Variants in IQCJ observed in about 807,000 individuals in gnomAD.
IQCJ encodes IQ motif containing J, also known as IQ domain-containing protein J.
Under a neutral mutation model 11.0 loss-of-function variants are expected in IQCJ, and 9 were observed. The observed-to-expected ratio is 0.82, with a 90% CI of 0.49 to 1.43. The LOEUF (loss-of-function observed/expected upper bound fraction) is 1.43. Among genes scored for constraint, IQCJ ranks in the 40% most tolerant of loss-of-function variants. The probability of loss-of-function intolerance (pLI) is 0.00; values close to 1 mark genes in which losing one functional copy is unlikely to be tolerated. For synonymous variants in IQCJ, 55 were observed against 51.3 expected, an observed-to-expected ratio of 1.07 and a Z score of -0.31; for missense variants, 146 against 133.2, an observed-to-expected ratio of 1.10 and a Z score of -0.47.
intron 3 of IQCJ, among the ~76,000 whole-genome samples, chr3:159,257,621 G>C (rs1190515732): frequency 6.6e-6 from 1 of 152,156 alleles, no homozygotes; most frequent in Non-Finnish European, 1.5e-5. Flanking sequence ...AAACCTGCCT[G>C]TTGCATGCAG....
Position 159,204,967 on chromosome 3 carries a change from G to A in IQCJ, c.10-40876G>A, listed in dbSNP as rs112357310. Among the ~76,000 whole-genome samples the A allele has an allele frequency of 5.6e-3, 847 of 152,290 alleles. 5 individuals carry two copies. Among genetic ancestry groups the A allele is most frequent in the Non-Finnish European group, 9.4e-3 (637 of 68,012 alleles). On this transcript the variant is annotated intron_variant, in intron 1 of 3. Coordinates refer to ENST00000397832, the MANE Select transcript of IQCJ (RefSeq NM_001042706.3). Reference sequence around the variant, plus strand: ...ATGTCAGATTGCACATCATGAGGTGGCAGGTCTTCCTTATCTTCCACTCTG... The same window carrying A: ...ATGTCAGATTGCACATCATGAGGTGACAGGTCTTCCTTATCTTCCACTCTG...
chr3:159,169,261 C>T, intron 1 of IQCJ, among the ~76,000 whole-genome samples: 2 of 141,720 alleles, frequency 1.4e-5, no homozygotes. Context: ...TTTTTTTTTC[C>T]CTTTTCTTTC....
chr3:159,250,875 C>T (rs894790393), intron 2 of IQCJ, among the ~76,000 whole-genome samples: 9 of 152,212 alleles, frequency 5.9e-5, no homozygotes, highest in African/African-American at 2.2e-4. Flanking sequence ...ATATCTGTCA[C>T]ACTTGCAAAT....
intron 1 of IQCJ, among the ~76,000 whole-genome samples, chr3:159,148,213 C>T (rs1721020589): frequency 6.6e-6 from 1 of 152,188 alleles, no homozygotes; most frequent in Admixed American, 6.5e-5. Flanking sequence ...ATCGTGTTTT[C>T]CTCTTTAATT....
intron 1 of IQCJ, among the ~76,000 whole-genome samples, chr3:159,109,776 G>T (rs1390003463): frequency 6.6e-6 from 1 of 152,082 alleles, no homozygotes; most frequent in Non-Finnish European, 1.5e-5. Flanking sequence ...TGTCTGATTT[G>T]TGAATTTATT....
At chr3:159,132,108 C>G (rs192355084) in intron 1 of IQCJ, among the ~76,000 whole-genome samples, 277 of 152,266 alleles carry the variant, frequency 1.8e-3, no homozygotes, top group African/African-American at 6.4e-3. Flanking sequence ...AAAGAAAGAT[C>G]ATGTGCAAGT....
intron 1 of IQCJ, among the ~76,000 whole-genome samples, chr3:159,081,532 G>A (rs1184552764): frequency 6.6e-6 from 1 of 152,068 alleles, no homozygotes; most frequent in Admixed American, 6.6e-5. Flanking sequence ...TGGTATAAAA[G>A]TATACTGTTG....
intron 1 of IQCJ, among the ~76,000 whole-genome samples, chr3:159,087,232 A>G (rs1274769653): frequency 3.0e-4 from 46 of 151,744 alleles, no homozygotes; most frequent in Admixed American, 5.2e-4. Flanking sequence ...ATTGATTTGC[A>G]TATATTGAAC....
intron 1 of IQCJ, among the ~76,000 whole-genome samples, chr3:159,160,327 G>T (rs1560008170): frequency 6.6e-6 from 1 of 151,778 alleles, no homozygotes; most frequent in Non-Finnish European, 1.5e-5. Flanking sequence ...TTTTGAGATG[G>T]AGTCTTGCTC....
intron 1 of IQCJ, among the ~76,000 whole-genome samples, chr3:159,107,426 A>AT (rs569061332): frequency 3.3e-5 from 5 of 152,106 alleles, no homozygotes; most frequent in African/African-American, 7.2e-5. Flanking sequence ...GTGAAAAATA[A>AT]TTTTTTTATC....
chr3:159,110,996 G>C (rs1718588945), intron 1 of IQCJ, among the ~76,000 whole-genome samples: 1 of 152,198 alleles, frequency 6.6e-6, no homozygotes, highest in African/African-American at 2.4e-5. Context: ...AACAGAAGAG[G>C]CTTTCAGCAA....
At chr3:159,246,386 C>T (rs985832232) in intron 2 of IQCJ, among the ~76,000 whole-genome samples, 1 of 152,130 alleles carries the variant, frequency 6.6e-6, no homozygotes, top group African/African-American at 2.4e-5. Context: ...TACTGTTGAA[C>T]ACTCAGAGAC....
At chr3:159,142,761 C>T (rs7627683) in intron 1 of IQCJ, among the ~76,000 whole-genome samples, 102,773 of 151,920 alleles carry the variant, frequency 0.68, 34,849 homozygotes, top group East Asian at 0.71. Context: ...ATTTTTGGAA[C>T]GTAATGCCAA....
chr3:159,089,119 T>A (rs533722090), intron 1 of IQCJ, among the ~76,000 whole-genome samples: 2 of 152,284 alleles, frequency 1.3e-5, no homozygotes, highest in African/African-American at 4.8e-5. Context: ...GGCCTGGTGG[T>A]GACGAAATCT....
chr3:159,111,230 A>C (rs1274130776), intron 1 of IQCJ, among the ~76,000 whole-genome samples: 1 of 152,228 alleles, frequency 6.6e-6, no homozygotes, highest in African/African-American at 2.4e-5. Flanking sequence ...GATGAAAAAC[A>C]TTTGTTGTAG....
chr3:159,086,776 A>G (rs1335266068), intron 1 of IQCJ, among the ~76,000 whole-genome samples: 5 of 152,190 alleles, frequency 3.3e-5, no homozygotes, highest in Non-Finnish European at 5.9e-5. Context: ...TTGTATCCTG[A>G]GACCTTACTG....
intron 1 of IQCJ, among the ~76,000 whole-genome samples, chr3:159,087,058 G>C (rs182629279): frequency 0.032 from 4,868 of 152,116 alleles, 264 homozygotes; most frequent in African/African-American, 0.11. Flanking sequence ...GTGGGTTTGT[G>C]ATAGATAGCT....
intron 1 of IQCJ, among the ~76,000 whole-genome samples, chr3:159,194,432 G>T (rs976274526): frequency 3.3e-5 from 5 of 152,098 alleles, no homozygotes; most frequent in Non-Finnish European, 7.4e-5. Flanking sequence ...TGTTTCTGAT[G>T]ATTCCTGTCA....
At chr3:159,113,794 G>A (rs913459275) in intron 1 of IQCJ, among the ~76,000 whole-genome samples, 2 of 152,274 alleles carry the variant, frequency 1.3e-5, no homozygotes, top group East Asian at 3.9e-4. Context: ...CATATAAATT[G>A]TGCAAACTCT....
Sources: allele counts gnomAD v4.1 joint callset (sites outside exome capture counted in the v4.1 genomes callset), GRCh38; gene constraint gnomAD v4.1.1; transcripts MANE v1.5; gene names NCBI Gene and HGNC (gene_info 2026-07-23, HGNC 2026-07-21).